The following LRRC4C variants were observed in gnomAD, a reference collection of about 807,000 sequenced individuals.
LRRC4C encodes the protein leucine rich repeat containing 4C.
LRRC4C carries 5 observed loss-of-function variants against 33.6 expected under a neutral mutation model. That is an observed-to-expected ratio of 0.15 (90% CI 0.08 to 0.31). The LOEUF (loss-of-function observed/expected upper bound fraction) is 0.31, where lower values mean the gene tolerates loss of function less well. Ranked by LOEUF, LRRC4C falls within the 10% of genes least tolerant of loss-of-function variation. The pLI is 1.00. For synonymous variants in LRRC4C, 329 were observed against 302.0 expected (o/e 1.09, Z -0.93); for missense variants, 560 against 796.7 (o/e 0.70, Z 3.58).
intron 2 of LRRC4C, among the ~76,000 whole-genome samples, chr11:40,919,556 C>T (rs1172863900): frequency 1.3e-5 from 2 of 152,064 alleles, no homozygotes; most frequent in East Asian, 3.9e-4. Flanking sequence ...CTTCTTCCAG[C>T]GTATTCTGTG....
rs373253758 is a variant in LRRC4C at position 40,839,029 on chromosome 11, C to T, written c.-407+94606G>A. ...AATATTTCCTGAAAAAAGAGACTCA[C>T]AGAAGAGACCATCAACTTTGCTATA... On this transcript the variant is annotated intron_variant, in intron 2 of 6. Transcript: ENST00000528697. Among the ~76,000 whole-genome samples, 5 of 152,056 alleles carry T rather than the reference C, an allele frequency of 3.3e-5. No homozygotes were observed. The South Asian group carries it at 1.0e-3, about 31-fold the overall frequency.
At chr11:40,569,570 A>G (rs1957899116) in intron 3 of LRRC4C, among the ~76,000 whole-genome samples, 1 of 151,830 alleles carries the variant, frequency 6.6e-6, no homozygotes, top group African/African-American at 2.4e-5. Flanking sequence ...TTATGCGTGT[A>G]TATATATATA....
intron 3 of LRRC4C, among the ~76,000 whole-genome samples, chr11:40,646,005 A>G (rs1249497139): frequency 6.7e-6 from 1 of 150,246 alleles, no homozygotes; most frequent in Non-Finnish European, 1.5e-5. Context: ...CACTTCCTGT[A>G]ATTACTACCT....
chr11:40,769,497 C>A (rs1478403041), intron 2 of LRRC4C, among the ~76,000 whole-genome samples: 1 of 151,998 alleles, frequency 6.6e-6, no homozygotes, highest in Non-Finnish European at 1.5e-5. Flanking sequence ...TGTATATGGA[C>A]CCACAAAAGA....
chr11:41,038,098 T>C (rs568870589), intron 1 of LRRC4C, among the ~76,000 whole-genome samples: 84 of 152,290 alleles, frequency 5.5e-4, no homozygotes, highest in African/African-American at 2.0e-3. Context: ...CCCAGCCAGC[T>C]GCCATTCGTA....
At chr11:40,814,446 A>AT (rs1951624243) in intron 2 of LRRC4C, among the ~76,000 whole-genome samples, 1 of 151,412 alleles carries the variant, frequency 6.6e-6, no homozygotes, top group African/African-American at 2.4e-5. Flanking sequence ...CCATGAAACC[A>AT]TTTTTCCCTC....
intron 1 of LRRC4C, among the ~76,000 whole-genome samples, chr11:41,428,925 G>A (rs1955136863): frequency 6.6e-6 from 1 of 151,742 alleles, no homozygotes; most frequent in African/African-American, 2.4e-5. Context: ...CCTCTGGGGA[G>A]AAGGTAAAAC....
chr11:41,011,678 T>C (rs1214332959), intron 1 of LRRC4C, among the ~76,000 whole-genome samples: 5 of 151,732 alleles, frequency 3.3e-5, no homozygotes, highest in Admixed American at 3.3e-4. Flanking sequence ...TGAGACATAG[T>C]GAGTGAAGTA....
intron 3 of LRRC4C, among the ~76,000 whole-genome samples, chr11:40,590,930 T>C (rs1004140950): frequency 1.3e-5 from 2 of 152,208 alleles, no homozygotes; most frequent in East Asian, 1.9e-4. Context: ...GCTGTCTTTT[T>C]GTTTGTCTGT....
At chr11:40,853,567 C>A (rs1428382035) in intron 2 of LRRC4C, among the ~76,000 whole-genome samples, 3 of 151,758 alleles carry the variant, frequency 2.0e-5, no homozygotes, top group Non-Finnish European at 2.9e-5. Context: ...GCAAAACGAT[C>A]AAAAACAAGA....
chr11:41,158,570 C>A (rs1290146010), intron 1 of LRRC4C, among the ~76,000 whole-genome samples: 1 of 152,056 alleles, frequency 6.6e-6, no homozygotes, highest in African/African-American at 2.4e-5. Context: ...AGGCAACATA[C>A]CTTTTTTCCA....
rs143751401 is a variant in LRRC4C at position 40,447,416 on chromosome 11, G to A, written c.-269-127695C>T. 6.6e-5 allele frequency among the ~76,000 whole-genome samples: 10 copies of A among 152,206 alleles called. No individual in the cohort carries two copies. The East Asian group carries it at 1.9e-3, about 30-fold the overall frequency. On this transcript the variant is annotated intron_variant, in intron 3 of 6. Transcript: ENST00000528697. The stretch of plus-strand genomic sequence containing the variant: ...AGGATGGAAGGAAACATGTTTGCTC[G>A]TCTTCAGATGGATTATTTATCTCAA...
intron 2 of LRRC4C, among the ~76,000 whole-genome samples, chr11:40,784,080 T>TA (rs1950318871): frequency 6.6e-6 from 1 of 150,688 alleles, no homozygotes; most frequent in African/African-American, 2.5e-5. Flanking sequence ...AGATGTTTAT[T>TA]TATATATATA....
intron 4 of LRRC4C, among the ~76,000 whole-genome samples, chr11:40,263,960 C>G (rs558267941): frequency 2.6e-4 from 39 of 152,238 alleles, no homozygotes; most frequent in African/African-American, 8.9e-4. Context: ...CCTTCCGCGC[C>G]CAGTCCTCCT....
intron 2 of LRRC4C, among the ~76,000 whole-genome samples, chr11:40,905,722 G>C (rs1399019226): frequency 6.6e-6 from 1 of 152,166 alleles, no homozygotes; most frequent in African/African-American, 2.4e-5. Context: ...CCTGAGCAGG[G>C]CCTTATTCCT....
At chr11:40,998,698 G>A (rs959922538) in intron 1 of LRRC4C, among the ~76,000 whole-genome samples, 1 of 152,012 alleles carries the variant, frequency 6.6e-6, no homozygotes, top group Admixed American at 6.6e-5. Flanking sequence ...CATCTTTTTG[G>A]ACAACAGTTT....
intron 2 of LRRC4C, among the ~76,000 whole-genome samples, chr11:40,751,981 T>A (rs1948710892): frequency 6.6e-6 from 1 of 151,974 alleles, no homozygotes; most frequent in Admixed American, 6.6e-5. Flanking sequence ...GACAAATACA[T>A]CAAGAACATA....
In LRRC4C at chr11:40,514,256, C is replaced by G. The variant is rs186340541; in HGVS notation, c.-270+133886G>C. On this transcript the variant is annotated intron_variant, in intron 3 of 6. Transcript: ENST00000528697. ...AATTAAGAGGTTAATAGTACATGTC[C>G]AAAGTGTTGCAATAAGTCAATAAGA... 2.4e-3 allele frequency among the ~76,000 whole-genome samples: 370 copies of G among 152,128 alleles called. 1 individual carries two copies. The highest frequency in any genetic ancestry group is 4.0e-3 in the Non-Finnish European group (271 of 68,000).
intron 1 of LRRC4C, among the ~76,000 whole-genome samples, chr11:41,356,886 A>G (rs1374885052): frequency 1.3e-5 from 2 of 152,166 alleles, no homozygotes; most frequent in Admixed American, 6.5e-5. Flanking sequence ...GTGATAATAC[A>G]AAAGAGAAAG....
Sources: gnomAD v4.1 joint callset for allele counts (sites outside exome capture counted in the v4.1 genomes callset) on GRCh38, gnomAD v4.1.1 for gene constraint, MANE v1.5 for transcripts, NCBI Gene and HGNC (gene_info 2026-07-23, HGNC 2026-07-21) for gene names.